Variants in ETV4 observed in about 807,000 individuals in gnomAD.
ETV4 encodes the protein ETS translocation variant 4.
In ETV4, 42 loss-of-function variants were observed where a neutral mutation model predicts 65.9. The ratio of observed to expected loss-of-function variants is 0.64; its 90% CI spans 0.50 to 0.82. The LOEUF (loss-of-function observed/expected upper bound fraction) is 0.82, where lower values mean the gene tolerates loss of function less well. Among genes scored for constraint, ETV4 ranks in the 40% least tolerant of loss-of-function variants. The probability of loss-of-function intolerance (pLI) is 0.00; values close to 1 mark genes in which losing one functional copy is unlikely to be tolerated. For missense variants in ETV4, 583 were observed against 630.3 expected (o/e 0.92, Z 0.80); for synonymous variants, 238 against 260.0 (o/e 0.92, Z 0.81).
rs1307420382 is a variant in ETV4 at position 43,529,939 on chromosome 17, C to T, written c.900G>A (p.Glu300=). 6.2e-7 allele frequency: 1 copy of T among 1,614,160 alleles called. No homozygotes were observed. The highest frequency in any genetic ancestry group is 1.3e-5 in the African/African-American group (1 of 75,034). ...PGDGAMGYGY[E]KPLRPFPDDV... is the part of the protein sequence containing the mutation. ...CATCTGGGAATGGTCGCAGAGGTTT[C>T]TCATAGCCATAGCCTTGTGGAGGAA... The change falls in exon 10 of 13, where the codon GAG becomes GAA. Residue 300 remains glutamate (E), a synonymous_variant. Transcript: ENST00000319349.
At chr17:43,532,528 A>G (rs1970997870) in intron 8 of ETV4, 146 bp downstream of exon 8, 2 of 770,072 alleles carry the variant, frequency 2.6e-6, no homozygotes, top group South Asian at 1.9e-5. Context: ...GAAAAATAAC[A>G]TTCTTTTGAA....
rs1971760638 is a variant in ETV4 at position 43,545,421 on chromosome 17, G to A, written c.61-54C>T. The A allele has an allele frequency of 4.7e-6, 7 of 1,488,346 alleles. No homozygotes were observed. The South Asian group carries it at 6.3e-5, about 13-fold the overall frequency. 92.2% of individuals were successfully genotyped at this position (1,488,346 alleles called of 1,614,324 possible). ...GTCACCCTGAGGCGCTTAGTCTGGG[G>A]GACGAGGTTGGGGTCCTCGGGTGAC... is the stretch of plus-strand genomic sequence containing the variant. On this transcript the variant is annotated intron_variant, in intron 2 of 12. Transcript: ENST00000319349.
chr17:43,545,471 C>G, intron 2 of ETV4, 87 bp downstream of exon 2: 2 of 1,458,666 alleles, frequency 1.4e-6, no homozygotes, highest in Non-Finnish European at 1.9e-6. Context: ...GCCCAGGACT[C>G]CGCTGGGACT....
chr17:43,541,283 C>T (rs1469213188), intron 4 of ETV4, among the ~76,000 whole-genome samples: 1 of 152,218 alleles, frequency 6.6e-6, no homozygotes, highest in Non-Finnish European at 1.5e-5. Flanking sequence ...TCCTGGAGAG[C>T]AGGAGAATTT....
chr17:43,543,953 A>G (rs1971661233), intron 4 of ETV4: 1 of 152,160 alleles, frequency 6.6e-6, no homozygotes, highest in East Asian at 1.9e-4. Flanking sequence ...GTTCCAGGGT[A>G]GTTGGATTTG....
chr17:43,531,683 A>T (rs548215033), intron 8 of ETV4, among the ~76,000 whole-genome samples: 1 of 152,334 alleles, frequency 6.6e-6, no homozygotes, highest in African/African-American at 2.4e-5. Flanking sequence ...ACAAACAAAC[A>T]GAGCAAGACT....
chr17:43,530,801 T>C (rs1970887016), intron 8 of ETV4, among the ~76,000 whole-genome samples: 1 of 151,930 alleles, frequency 6.6e-6, no homozygotes, highest in Non-Finnish European at 1.5e-5. Context: ...AAGCCACCCG[T>C]TCAAGTTCCA....
intron 7 of ETV4, 51 bp from the exon 8 acceptor site, chr17:43,532,990 T>C: frequency 2.0e-6 from 3 of 1,525,156 alleles, no homozygotes; most frequent in Non-Finnish European, 2.6e-6. Context: ...AAATTAATCC[T>C]TCCTCGAGCC....
At chr17:43,545,112 G>T in intron 3 of ETV4, 90 bp from the exon 4 acceptor site, 1 of 1,420,286 alleles carries the variant, frequency 7.0e-7, no homozygotes, top group Non-Finnish European at 9.9e-7. Flanking sequence ...CCCCTGCCTT[G>T]GGAGTAGGGA....
intron 4 of ETV4, chr17:43,543,766 T>A (rs968662440): frequency 7.2e-5 from 11 of 152,196 alleles, no homozygotes; most frequent in African/African-American, 2.7e-4. Context: ...CCTCCAGCAC[T>A]CACACAGCCA....
intron 4 of ETV4, 159 bp downstream of exon 4, chr17:43,544,816 G>C (rs1971716905): frequency 3.0e-6 from 2 of 658,718 alleles, no homozygotes; most frequent in Admixed American, 2.4e-5. Flanking sequence ...GGGTGCTGGG[G>C]TGAGTAGAGT....
chr17:43,536,369 A>T, intron 5 of ETV4, 57 bp downstream of exon 5: 2 of 1,449,766 alleles, frequency 1.4e-6, no homozygotes, highest in Non-Finnish European at 1.9e-6. Context: ...CTATCCTATG[A>T]CTCACTTCCT....
rs1476779818 is a variant in ETV4 at position 43,536,485 on chromosome 17, G to A, written c.203-6C>T. On this transcript the variant is annotated splice_region_variant and splice_polypyrimidine_tract_variant and intron_variant, in intron 4 of 12. Coordinates refer to ENST00000319349, the MANE Select transcript of ETV4 (RefSeq NM_001079675.5). Reference sequence around the variant, plus strand: ...ATCACTGTCTGGTACCTGAGCTGCAGAGAGAAGTCAGAGGTGAGTTTGGGG... The same window carrying A: ...ATCACTGTCTGGTACCTGAGCTGCAAAGAGAAGTCAGAGGTGAGTTTGGGG... The A allele has an allele frequency of 6.8e-6, 11 of 1,614,088 alleles. No individual in the cohort carries two copies. Among genetic ancestry groups the A allele is most frequent in the Non-Finnish European group, 6.8e-6 (8 of 1,180,022 alleles).
At chr17:43,538,673 T>C (rs769134975) in intron 4 of ETV4, among the ~76,000 whole-genome samples, 8 of 152,176 alleles carry the variant, frequency 5.3e-5, no homozygotes, top group Non-Finnish European at 1.2e-4. Context: ...TTGGCCCACT[T>C]TTGCCCCTCT....
In ETV4 at chr17:43,532,687, G is replaced by A. The variant is rs769039480; in HGVS notation, c.798C>T (p.Phe266=). 1.1e-5 allele frequency: 17 copies of A among 1,612,316 alleles called. No individual in the cohort carries two copies. Among genetic ancestry groups the A allele is most frequent in the Non-Finnish European group, 1.4e-5 (17 of 1,178,912 alleles). ...CCAGTCTCTTACCTGAGTCGTAGGCGAAGTCCGTCTGTTCCTGTTTGATCA... is the reference window on the plus strand; with the variant it reads ...CCAGTCTCTTACCTGAGTCGTAGGCAAAGTCCGTCTGTTCCTGTTTGATCA... ...GVVIKQEQTD[F]AYDSDVTGCA... The change falls in exon 8 of 13, where the codon TTC becomes TTT. Residue 266 remains phenylalanine (F), a synonymous_variant. Transcript: ENST00000319349.
intron 6 of ETV4, 145 bp downstream of exon 6, chr17:43,533,714 G>T: frequency 9.7e-7 from 1 of 1,031,412 alleles, no homozygotes; most frequent in Non-Finnish European, 1.4e-6. Context: ...GAAATCCTTA[G>T]CTGTATTGCT....
At chr17:43,543,274 A>ACTCTCTCTCTCT (rs1250640458) in intron 4 of ETV4, among the ~76,000 whole-genome samples, 2 of 41,496 alleles carry the variant, frequency 4.8e-5, no homozygotes, top group African/African-American at 3.4e-4. Flanking sequence ...TAACACACAC[A>ACTCTCTCTCTCT]CACTCTCTCT....
intron 4 of ETV4, among the ~76,000 whole-genome samples, chr17:43,542,763 A>G (rs776851244): frequency 2.0e-5 from 3 of 152,024 alleles, no homozygotes; most frequent in Non-Finnish European, 4.4e-5. Flanking sequence ...GCCTCCTCCA[A>G]ATGCTGTCTT....
intron 4 of ETV4, among the ~76,000 whole-genome samples, chr17:43,539,631 C>T (rs1038046557): frequency 9.2e-5 from 14 of 152,204 alleles, no homozygotes; most frequent in African/African-American, 3.4e-4. Context: ...AATAAACATG[C>T]AATAATCGTT....
Sources: allele counts gnomAD v4.1 joint callset (sites outside exome capture counted in the v4.1 genomes callset), GRCh38; gene constraint gnomAD v4.1.1; transcripts MANE v1.5; gene names NCBI Gene and HGNC (gene_info 2026-07-23, HGNC 2026-07-21).